Variants in GNAQ observed in about 807,000 individuals in gnomAD.
The protein encoded by GNAQ is G protein subunit alpha q, also known as guanine nucleotide-binding protein G(q) subunit alpha.
In GNAQ, 8 loss-of-function variants were observed where a neutral mutation model predicts 43.9. That is an observed-to-expected ratio of 0.18 (90% CI 0.11 to 0.33). The LOEUF (loss-of-function observed/expected upper bound fraction) is 0.33, where lower values mean the gene tolerates loss of function less well. Ranked by LOEUF, GNAQ falls within the 10% of genes least tolerant of loss-of-function variation. The pLI is 1.00. For synonymous variants in GNAQ, 155 were observed against 170.7 expected (o/e 0.91, Z 0.71); for missense variants, 158 against 450.8 (o/e 0.35, Z 5.88).
In GNAQ at chr9:77,799,608, T is replaced by A. The variant is rs540728941; in HGVS notation, c.477-1960A>T. On this transcript the variant is annotated intron_variant, in intron 3 of 6. Coordinates refer to ENST00000286548, the MANE Select transcript of GNAQ (RefSeq NM_002072.5). ...AATTTGAAACTGAATGTAAAAAAAATGTTAAATCTACAAGATTCCTGGAAT... is the reference window on the plus strand; with the variant it reads ...AATTTGAAACTGAATGTAAAAAAAAAGTTAAATCTACAAGATTCCTGGAAT... Among the ~76,000 whole-genome samples, 6 of 152,316 alleles carry A rather than the reference T, an allele frequency of 3.9e-5. No homozygotes were observed. In the East Asian group the frequency reaches 9.6e-4, roughly 24 times the overall value.
At chr9:77,969,578 T>G (rs1823210938) in intron 1 of GNAQ, among the ~76,000 whole-genome samples, 1 of 152,216 alleles carries the variant, frequency 6.6e-6, no homozygotes, top group Non-Finnish European at 1.5e-5. Context: ...ATGTTTTATA[T>G]AAGTACATAC....
At chr9:77,888,744 G>A (rs1828350530) in intron 2 of GNAQ, among the ~76,000 whole-genome samples, 1 of 152,156 alleles carries the variant, frequency 6.6e-6, no homozygotes, top group African/African-American at 2.4e-5. Context: ...TTATGAGAAA[G>A]ATGAGGAAAA....
At chr9:78,018,898 T>C (rs11145655) in intron 1 of GNAQ, among the ~76,000 whole-genome samples, 1,746 of 152,306 alleles carry the variant, frequency 0.011, 42 homozygotes, top group African/African-American at 0.04. Context: ...AATTCTGAGA[T>C]GGATACACTG....
intron 1 of GNAQ, among the ~76,000 whole-genome samples, chr9:77,936,468 A>T (rs1829233559): frequency 6.6e-6 from 1 of 152,200 alleles, no homozygotes; most frequent in Non-Finnish European, 1.5e-5. Flanking sequence ...CAACTGTCTT[A>T]TATGCAACCT....
intron 2 of GNAQ, among the ~76,000 whole-genome samples, chr9:77,879,450 G>T (rs1211553873): frequency 6.6e-6 from 1 of 151,972 alleles, no homozygotes; most frequent in African/African-American, 2.4e-5. Context: ...GTACAGACTG[G>T]GTTTCACCAC....
intron 1 of GNAQ, among the ~76,000 whole-genome samples, chr9:77,939,283 T>A (rs950653221): frequency 6.6e-6 from 1 of 152,172 alleles, no homozygotes; most frequent in Non-Finnish European, 1.5e-5. Flanking sequence ...CAAAAGTAAA[T>A]TTCCAAATTC....
intron 3 of GNAQ, among the ~76,000 whole-genome samples, chr9:77,811,741 G>A (rs932267567): frequency 1.3e-5 from 2 of 152,140 alleles, no homozygotes; most frequent in South Asian, 4.1e-4. Flanking sequence ...AGTAACACTC[G>A]GGCCTCCTGG....
intron 1 of GNAQ, among the ~76,000 whole-genome samples, chr9:77,998,063 C>T (rs766697704): frequency 6.6e-6 from 1 of 152,146 alleles, no homozygotes; most frequent in Non-Finnish European, 1.5e-5. Context: ...CACACACACA[C>T]GCACACGCGC....
chr9:77,723,896 C>G (rs1374775311), intron 6 of GNAQ, among the ~76,000 whole-genome samples: 1 of 151,916 alleles, frequency 6.6e-6, no homozygotes, highest in Non-Finnish European at 1.5e-5. Flanking sequence ...GAATTGTGCA[C>G]TTAAAAATGT....
intron 5 of GNAQ, among the ~76,000 whole-genome samples, chr9:77,772,349 C>T (rs978073533): frequency 1.3e-5 from 2 of 152,132 alleles, no homozygotes; most frequent in Non-Finnish European, 2.9e-5. Flanking sequence ...CACTGCTGTG[C>T]GGAAACTCCC....
At chr9:77,968,265 T>C (rs564501831) in intron 1 of GNAQ, among the ~76,000 whole-genome samples, 2 of 152,308 alleles carry the variant, frequency 1.3e-5, no homozygotes, top group South Asian at 4.1e-4. Flanking sequence ...AAAAATACCA[T>C]GGATGTTGTC....
At chr9:77,921,450 C>G (rs1828995811) in intron 2 of GNAQ, among the ~76,000 whole-genome samples, 1 of 152,222 alleles carries the variant, frequency 6.6e-6, no homozygotes, top group South Asian at 2.1e-4. Flanking sequence ...GATGAGCAAT[C>G]ACAGCATTTA....
At position 77,872,101 on chromosome 9, in the gene GNAQ, G is replaced by A. The variant is rs1828048255; in HGVS notation, c.321+50060C>T. On this transcript the variant is annotated intron_variant, in intron 2 of 6. Transcript: ENST00000286548. The stretch of plus-strand genomic sequence containing the variant: ...TGGCAAATGCTATCATTTGTTTGTT[G>A]AATTCTTATACCTTCCTACCATATT... 2.0e-5 allele frequency among the ~76,000 whole-genome samples: 3 copies of A among 152,262 alleles called. 1 individual carries two copies. The highest frequency in any genetic ancestry group is 4.2e-4 in the South Asian group (2 of 4,816).
intron 1 of GNAQ, among the ~76,000 whole-genome samples, chr9:77,987,583 C>T (rs968030130): frequency 2.0e-5 from 3 of 152,164 alleles, no homozygotes; most frequent in African/African-American, 7.2e-5. Flanking sequence ...CTAATCTATA[C>T]ATGAGTCATT....
At chr9:77,841,261 C>T (rs1242647858) in intron 2 of GNAQ, among the ~76,000 whole-genome samples, 1 of 152,108 alleles carries the variant, frequency 6.6e-6, no homozygotes, top group Non-Finnish European at 1.5e-5. Flanking sequence ...TTCTTAACTG[C>T]TTTGTGGTGA....
chr9:77,831,092 A>G (rs1398117613), intron 2 of GNAQ, among the ~76,000 whole-genome samples: 1 of 152,232 alleles, frequency 6.6e-6, no homozygotes, highest in Admixed American at 6.5e-5. Flanking sequence ...ACAGCTAGTA[A>G]CATTCCTTCC....
In GNAQ at chr9:78,025,835, C is replaced by G. The variant is rs554888576; in HGVS notation, c.136+5265G>C. Among the ~76,000 whole-genome samples, 20 of 152,294 alleles carry G rather than the reference C, an allele frequency of 1.3e-4. No homozygotes were observed. The South Asian group carries it at 3.9e-3, about 30-fold the overall frequency. On this transcript the variant is annotated intron_variant, in intron 1 of 6. Transcript: ENST00000286548. ...ATTAATATGAATGCTGGAATCAAAA[C>G]CTTCCTTAGAGAATCTTGTTAATTT... is the stretch of plus-strand genomic sequence containing the variant.
At chr9:77,738,019 A>G (rs1240871701) in intron 5 of GNAQ, among the ~76,000 whole-genome samples, 2 of 152,226 alleles carry the variant, frequency 1.3e-5, no homozygotes, top group Non-Finnish European at 2.9e-5. Flanking sequence ...CACAGTGAGC[A>G]TTTAATGTTG....
intron 1 of GNAQ, among the ~76,000 whole-genome samples, chr9:78,024,710 T>C (rs1587466840): frequency 6.6e-6 from 1 of 152,194 alleles, no homozygotes; most frequent in Admixed American, 6.5e-5. Context: ...GTGCTTAGTC[T>C]TTCCTGTCGG....
Sources: allele counts gnomAD v4.1 joint callset (sites outside exome capture counted in the v4.1 genomes callset), GRCh38; gene constraint gnomAD v4.1.1; transcripts MANE v1.5; gene names NCBI Gene and HGNC (gene_info 2026-07-23, HGNC 2026-07-21).